The following HPSE2 variants were observed in gnomAD, a reference collection of about 807,000 sequenced individuals.
HPSE2 encodes the protein heparanase 2 (inactive).
Under a neutral mutation model 60.5 loss-of-function variants are expected in HPSE2, and 38 were observed. The observed-to-expected ratio is 0.63, with a 90% CI of 0.48 to 0.82. HPSE2 has a LOEUF of 0.82. HPSE2 is among the 40% of genes least tolerant of loss of function. The pLI is 0.00. For missense variants in HPSE2, 713 were observed against 740.4 expected (o/e 0.96, Z 0.43); for synonymous variants, 295 against 293.2 (o/e 1.01, Z -0.06).
chr10:99,250,051 G>A, the HPSE2 span, among the ~76,000 whole-genome samples: 2 of 151,212 alleles, frequency 1.3e-5, no homozygotes, highest in African/African-American at 4.9e-5. Context: ...GCTGAGGCAG[G>A]AGAATCACTT....
chr10:98,693,081 T>C (rs544784), intron 6 of HPSE2, among the ~76,000 whole-genome samples: 53,907 of 151,992 alleles, frequency 0.35, 9,796 homozygotes, highest in Admixed American at 0.41. Flanking sequence ...GTTAGAGTAA[T>C]TGAGAAAGAG....
At chr10:99,134,015 AG>A (rs1845548926) in intron 3 of HPSE2, among the ~76,000 whole-genome samples, 2 of 152,234 alleles carry the variant, frequency 1.3e-5, no homozygotes, top group South Asian at 4.1e-4. Flanking sequence ...TAATCAGCTG[AG>A]AAAAGAACAT....
At chr10:99,069,712 G>T (rs1269030834) in intron 3 of HPSE2, among the ~76,000 whole-genome samples, 1 of 151,408 alleles carries the variant, frequency 6.6e-6, no homozygotes, top group Non-Finnish European at 1.5e-5. Context: ...AATGATAATA[G>T]TCACATCTAG....
intron 3 of HPSE2, among the ~76,000 whole-genome samples, chr10:98,908,631 C>T (rs1348981292): frequency 7.9e-6 from 1 of 126,336 alleles, no homozygotes; most frequent in Non-Finnish European, 1.6e-5. Context: ...TGTGGTGAGC[C>T]GAGATCGTGC....
At position 98,730,556 on chromosome 10, in the gene HPSE2, C is replaced by T. The variant is rs147215969; in HGVS notation, c.785-8728G>A. 5.3e-5 allele frequency among the ~76,000 whole-genome samples: 8 copies of T among 151,036 alleles called. No homozygotes were observed. In the East Asian group the frequency reaches 1.6e-3, roughly 29 times the overall value. ...TTGGTTATTTGAAAAGACCACAAAA[C>T]CGATATACCTTTAGTTAGACTGACC... On this transcript the variant is annotated intron_variant, in intron 4 of 11. Coordinates refer to ENST00000370552, the MANE Select transcript of HPSE2 (RefSeq NM_021828.5).
chr10:98,814,171 AT>A (rs1432664799), intron 3 of HPSE2, among the ~76,000 whole-genome samples: 1 of 152,120 alleles, frequency 6.6e-6, no homozygotes, highest in African/African-American at 2.4e-5. Flanking sequence ...CACAGATCAA[AT>A]TTATCAAATT....
intron 9 of HPSE2, among the ~76,000 whole-genome samples, chr10:98,567,913 A>C (rs1037525719): frequency 3.3e-5 from 5 of 152,180 alleles, no homozygotes; most frequent in Non-Finnish European, 5.9e-5. Flanking sequence ...CTGAGCCAGC[A>C]GGATCCCCAG....
chr10:99,158,697 G>T (rs1846691972), intron 2 of HPSE2, among the ~76,000 whole-genome samples: 1 of 149,630 alleles, frequency 6.7e-6, no homozygotes, highest in Non-Finnish European at 1.5e-5. Flanking sequence ...GTATACATAT[G>T]TAACTAACCT....
At chr10:98,593,226 C>A (rs1312192815) in intron 9 of HPSE2, among the ~76,000 whole-genome samples, 1 of 152,054 alleles carries the variant, frequency 6.6e-6, no homozygotes, top group African/African-American at 2.4e-5. Flanking sequence ...ACCAGAAATT[C>A]CTATTGGAGA....
the HPSE2 span, among the ~76,000 whole-genome samples, chr10:99,276,032 T>C: frequency 1.3e-5 from 2 of 152,250 alleles, 1 homozygote; most frequent in Admixed American, 1.3e-4. Flanking sequence ...GTTTTATTAG[T>C]AATATTTAAT....
At chr10:99,166,177 C>T (rs1847075759) in intron 2 of HPSE2, among the ~76,000 whole-genome samples, 1 of 152,104 alleles carries the variant, frequency 6.6e-6, no homozygotes, top group Non-Finnish European at 1.5e-5. Context: ...CATTGAATGG[C>T]TGTACTATAG....
chr10:98,737,333 C>G (rs1949384280), intron 4 of HPSE2, among the ~76,000 whole-genome samples: 1 of 137,382 alleles, frequency 7.3e-6, no homozygotes, highest in African/African-American at 2.7e-5. Flanking sequence ...AGGAACAGCT[C>G]CAGTCTGCAG....
At chr10:99,144,446 C>A in intron 2 of HPSE2, 47 bp from the exon 3 acceptor site, 3 of 1,598,510 alleles carry the variant, frequency 1.9e-6, no homozygotes, top group Admixed American at 3.4e-5. Flanking sequence ...TAAAACAAAA[C>A]AAAAAATAAT....
intron 3 of HPSE2, among the ~76,000 whole-genome samples, chr10:98,758,772 T>G (rs1949939988): frequency 6.6e-6 from 1 of 152,170 alleles, no homozygotes; most frequent in Admixed American, 6.6e-5. Context: ...TGGGAAGCAG[T>G]TTGGAGATTT....
At chr10:99,259,775 G>A in the HPSE2 span, among the ~76,000 whole-genome samples, 1 of 152,188 alleles carries the variant, frequency 6.6e-6, no homozygotes, top group Non-Finnish European at 1.5e-5. Context: ...GTGAGCAACA[G>A]GTGAGCAAGC....
chr10:99,274,872 T>C, the HPSE2 span, among the ~76,000 whole-genome samples: 1 of 152,250 alleles, frequency 6.6e-6, no homozygotes, highest in African/African-American at 2.4e-5. Context: ...CTGGGAAATA[T>C]ACTTCGCCAA....
intron 3 of HPSE2, among the ~76,000 whole-genome samples, chr10:98,757,192 G>C (rs1414307402): frequency 6.6e-6 from 1 of 151,992 alleles, no homozygotes; most frequent in Non-Finnish European, 1.5e-5. Context: ...AAAATAATAA[G>C]AGCCATCTAT....
intron 2 of HPSE2, among the ~76,000 whole-genome samples, chr10:99,215,865 T>C (rs1320863090): frequency 6.6e-6 from 1 of 152,208 alleles, no homozygotes; most frequent in Non-Finnish European, 1.5e-5. Flanking sequence ...AGTCACTGAA[T>C]GGTAAATTTT....
At chr10:98,594,877 A>G (rs1374906903) in intron 9 of HPSE2, among the ~76,000 whole-genome samples, 1 of 152,190 alleles carries the variant, frequency 6.6e-6, no homozygotes, top group Non-Finnish European at 1.5e-5. Flanking sequence ...AGGAACCTCC[A>G]TACTGTTTTC....
Sources: gnomAD v4.1 joint callset for allele counts (sites outside exome capture counted in the v4.1 genomes callset) on GRCh38, gnomAD v4.1.1 for gene constraint, MANE v1.5 for transcripts, NCBI Gene and HGNC (gene_info 2026-07-23, HGNC 2026-07-21) for gene names.